The following LRRC4C variants were observed in gnomAD, a reference collection of about 807,000 sequenced individuals.
LRRC4C encodes the protein leucine rich repeat containing 4C.
Under a neutral mutation model 33.6 loss-of-function variants are expected in LRRC4C, and 5 were observed. The observed-to-expected ratio is 0.15, with a 90% CI of 0.08 to 0.31. The LOEUF (loss-of-function observed/expected upper bound fraction) is 0.31. Among genes scored for constraint, LRRC4C ranks in the 10% least tolerant of loss-of-function variants. LRRC4C has a pLI of 1.00. For missense variants in LRRC4C, 560 were observed against 796.7 expected, an observed-to-expected ratio of 0.70 and a Z score of 3.58; for synonymous variants, 329 against 302.0, an observed-to-expected ratio of 1.09 and a Z score of -0.93.
At position 41,288,109 on chromosome 11, in the gene LRRC4C, G is replaced by T. The variant is rs981666631; in HGVS notation, c.-496+171322C>A. 2.0e-5 allele frequency among the ~76,000 whole-genome samples: 3 copies of T among 152,122 alleles called. No individual in the cohort carries two copies. In the South Asian group the frequency reaches 6.2e-4, roughly 32 times the overall value. ...GCTCTAATTATCAGACACATTCCTT[G>T]TCTTCATGAAAATCATAATCTATGA... On this transcript the variant is annotated intron_variant, in intron 1 of 6. Transcript: ENST00000528697.
intron 1 of LRRC4C, among the ~76,000 whole-genome samples, chr11:41,239,755 T>C (rs1034039095): frequency 4.6e-5 from 7 of 152,374 alleles, no homozygotes; most frequent in African/African-American, 1.4e-4. Context: ...GGATTTTGTA[T>C]ATATATTGTA....
At chr11:41,255,794 T>C (rs949474202) in intron 1 of LRRC4C, among the ~76,000 whole-genome samples, 25 of 151,982 alleles carry the variant, frequency 1.6e-4, no homozygotes, top group Admixed American at 8.5e-4. Context: ...CTCTGCTAAG[T>C]CCCAGTATGC....
intron 2 of LRRC4C, among the ~76,000 whole-genome samples, chr11:40,768,618 CAT>C (rs1332234405): frequency 6.6e-6 from 1 of 152,052 alleles, no homozygotes; most frequent in African/African-American, 2.4e-5. Flanking sequence ...AATTCAACAA[CAT>C]ATTGAAAGGA....
chr11:40,273,705 A>C (rs1227765190), intron 4 of LRRC4C, among the ~76,000 whole-genome samples: 1 of 152,166 alleles, frequency 6.6e-6, no homozygotes, highest in Non-Finnish European at 1.5e-5. Flanking sequence ...ATGTTCAAAA[A>C]ATTGTAAACA....
chr11:41,118,003 GA>G (rs1040329507), intron 1 of LRRC4C, among the ~76,000 whole-genome samples: 2 of 152,092 alleles, frequency 1.3e-5, no homozygotes, highest in African/African-American at 4.8e-5. Flanking sequence ...CTAAGATAAG[GA>G]AGAAAGTTTA....
intron 1 of LRRC4C, among the ~76,000 whole-genome samples, chr11:41,220,752 T>C (rs935162807): frequency 6.6e-6 from 1 of 152,010 alleles, no homozygotes; most frequent in Non-Finnish European, 1.5e-5. Context: ...CCCAAGAAAA[T>C]TGAGATGATT....
intron 3 of LRRC4C, among the ~76,000 whole-genome samples, chr11:40,538,963 T>A (rs1956591948): frequency 6.6e-6 from 1 of 152,222 alleles, no homozygotes; most frequent in Non-Finnish European, 1.5e-5. Context: ...TCTGTTAATA[T>A]CCTTTGCCCA....
intron 1 of LRRC4C, among the ~76,000 whole-genome samples, chr11:41,390,716 G>A (rs1953556780): frequency 1.3e-5 from 2 of 151,750 alleles, no homozygotes; most frequent in African/African-American, 4.8e-5. Context: ...TCCAGTGTTT[G>A]CATGCTTGCA....
chr11:40,564,167 C>T (rs528248065), intron 3 of LRRC4C, among the ~76,000 whole-genome samples: 3 of 152,236 alleles, frequency 2.0e-5, no homozygotes, highest in Admixed American at 1.3e-4. Flanking sequence ...AGGACATTGG[C>T]TTTAATGCCC....
chr11:40,678,717 T>C (rs912465399), intron 2 of LRRC4C, among the ~76,000 whole-genome samples: 1 of 152,132 alleles, frequency 6.6e-6, no homozygotes, highest in Admixed American at 6.6e-5. Context: ...CCTTTGCTCT[T>C]CCTTCATCTT....
intron 2 of LRRC4C, among the ~76,000 whole-genome samples, chr11:40,738,062 C>T (rs61887983): frequency 0.03 from 4,625 of 152,160 alleles, 91 homozygotes; most frequent in Middle Eastern, 0.048. Flanking sequence ...TCAGAAATAA[C>T]ACCACACATC....
At chr11:40,588,440 T>C (rs910620156) in intron 3 of LRRC4C, among the ~76,000 whole-genome samples, 1 of 152,034 alleles carries the variant, frequency 6.6e-6, no homozygotes. Flanking sequence ...CCTGGATTCA[T>C]TAATTTTTTG....
At chr11:40,343,844 A>G (rs989859072) in intron 3 of LRRC4C, among the ~76,000 whole-genome samples, 2 of 152,042 alleles carry the variant, frequency 1.3e-5, no homozygotes, top group African/African-American at 4.8e-5. Context: ...TAGAAATACA[A>G]AAAGGTCTCA....
chr11:40,178,418 G>A (rs1463478638), intron 5 of LRRC4C, among the ~76,000 whole-genome samples: 3 of 152,212 alleles, frequency 2.0e-5, no homozygotes, highest in African/African-American at 7.2e-5. Context: ...AGTTAATGTA[G>A]TGAAACTGCA....
intron 3 of LRRC4C, among the ~76,000 whole-genome samples, chr11:40,438,530 A>G (rs758566447): frequency 5.3e-5 from 8 of 152,190 alleles, no homozygotes; most frequent in South Asian, 2.1e-4. Context: ...TGTGTCCCCA[A>G]TGTCTAGAAC....
At chr11:41,126,838 T>G (rs1243252025) in intron 1 of LRRC4C, among the ~76,000 whole-genome samples, 1 of 152,074 alleles carries the variant, frequency 6.6e-6, no homozygotes, top group Non-Finnish European at 1.5e-5. Flanking sequence ...CTGTAGAACA[T>G]GAGCCTCAAA....
chr11:40,469,605 G>A (rs1054280270), intron 3 of LRRC4C, among the ~76,000 whole-genome samples: 20 of 152,224 alleles, frequency 1.3e-4, no homozygotes, highest in African/African-American at 4.6e-4. Context: ...CCACCCCCAC[G>A]GAGCCCAGCA....
intron 1 of LRRC4C, among the ~76,000 whole-genome samples, chr11:40,938,632 T>C (rs1170089141): frequency 6.6e-6 from 1 of 152,170 alleles, no homozygotes; most frequent in Non-Finnish European, 1.5e-5. Context: ...AAATATGACC[T>C]AGGTGATTCA....
At chr11:40,439,407 G>T (rs1029670572) in intron 3 of LRRC4C, among the ~76,000 whole-genome samples, 4 of 151,086 alleles carry the variant, frequency 2.6e-5, no homozygotes, top group African/African-American at 7.3e-5. Flanking sequence ...TATTTATTAA[G>T]TTCCTATTAC....
Sources: allele counts gnomAD v4.1 joint callset (sites outside exome capture counted in the v4.1 genomes callset), GRCh38; gene constraint gnomAD v4.1.1; transcripts MANE v1.5; gene names NCBI Gene and HGNC (gene_info 2026-07-23, HGNC 2026-07-21).